PLXDC2: variants seen among roughly 807,000 people sequenced by gnomAD.
PLXDC2 encodes plexin domain containing 2.
A neutral mutation model predicts 68.9 loss-of-function variants in PLXDC2; 40 were observed. The observed-to-expected ratio is 0.58, with a 90% CI of 0.45 to 0.76. The LOEUF (loss-of-function observed/expected upper bound fraction) is 0.76, where lower values mean the gene tolerates loss of function less well. PLXDC2 is among the 30% of genes least tolerant of loss of function. The pLI, the probability that PLXDC2 is intolerant of heterozygous loss-of-function variation, is 0.00. For synonymous variants in PLXDC2, 243 were observed against 234.2 expected (o/e 1.04, Z -0.34); for missense variants, 644 against 661.9 (o/e 0.97, Z 0.30).
At position 20,001,949 on chromosome 10, in the gene PLXDC2, T is replaced by C; in HGVS notation, c.287T>C (p.Leu96Pro). The change falls in exon 2 of 14, where the codon CTG becomes CCG. Residue 96 changes from leucine to proline, a missense_variant. Leu to Pro is a moderately conservative substitution (Grantham distance 98). Around this residue, in one of 3 missense-constraint regions of PLXDC2, gnomAD observed 201 missense variants for 166.9 expected, o/e 1.20. Coordinates refer to ENST00000377252, the MANE Select transcript of PLXDC2 (RefSeq NM_032812.9). Reference sequence around the variant, plus strand: ...GAGCCCAGAAGCTTCACAGACCTGCTGCTGGATGATGGGCAGGACAATAAC... The same window carrying C: ...GAGCCCAGAAGCTTCACAGACCTGCCGCTGGATGATGGGCAGGACAATAAC... Reference protein sequence around the residue: ...SPEPRSFTDLLLDDGQDNNTQ... With the variant: ...SPEPRSFTDLPLDDGQDNNTQ... 6.2e-7 allele frequency: 1 copy of C among 1,612,872 alleles called. No individual in the cohort carries two copies.
intron 1 of PLXDC2, among the ~76,000 whole-genome samples, chr10:19,823,508 C>T (rs1836516780): frequency 1.3e-5 from 2 of 151,168 alleles, no homozygotes; most frequent in Admixed American, 1.3e-4. Flanking sequence ...ATGGTGAAAC[C>T]CCGTCTTCCC....
At chr10:19,825,375 G>A (rs1008609372) in intron 1 of PLXDC2, among the ~76,000 whole-genome samples, 3 of 152,134 alleles carry the variant, frequency 2.0e-5, no homozygotes, top group Non-Finnish European at 4.4e-5. Flanking sequence ...AATTCTCTAT[G>A]TATTCCTTGG....
At chr10:19,864,105 T>C (rs1424273993) in intron 1 of PLXDC2, among the ~76,000 whole-genome samples, 1 of 152,084 alleles carries the variant, frequency 6.6e-6, no homozygotes, top group Non-Finnish European at 1.5e-5. Context: ...ACCTCAAATG[T>C]TTCTCCCACC....
At chr10:20,020,575 A>G (rs1235879992) in intron 2 of PLXDC2, among the ~76,000 whole-genome samples, 1 of 151,952 alleles carries the variant, frequency 6.6e-6, no homozygotes, top group Non-Finnish European at 1.5e-5. Flanking sequence ...ATATGTATAT[A>G]AGTGTATTCA....
intron 1 of PLXDC2, among the ~76,000 whole-genome samples, chr10:19,897,661 T>C (rs1838083580): frequency 6.6e-6 from 1 of 152,138 alleles, no homozygotes; most frequent in Non-Finnish European, 1.5e-5. Context: ...ATATATAAAA[T>C]ATGGTTTTTT....
chr10:20,046,792 G>A, intron 2 of PLXDC2, 77 bp from the exon 3 acceptor site: 1 of 1,413,448 alleles, frequency 7.1e-7, no homozygotes, highest in Non-Finnish European at 9.5e-7. Context: ...ATACTCTTGA[G>A]TTCAATAGGA....
At chr10:19,956,468 C>T (rs1834071122) in intron 1 of PLXDC2, among the ~76,000 whole-genome samples, 1 of 152,140 alleles carries the variant, frequency 6.6e-6, no homozygotes, top group Non-Finnish European at 1.5e-5. Context: ...GTCTCCCATT[C>T]CGTTTCTATT....
intron 1 of PLXDC2, among the ~76,000 whole-genome samples, chr10:19,981,712 G>A (rs528466113): frequency 6.6e-6 from 1 of 152,182 alleles, no homozygotes; most frequent in Non-Finnish European, 1.5e-5. Context: ...GCGCCTTTTT[G>A]TTAGGTTGCA....
At chr10:19,957,794 A>G (rs1834094895) in intron 1 of PLXDC2, among the ~76,000 whole-genome samples, 1 of 152,142 alleles carries the variant, frequency 6.6e-6, no homozygotes. Context: ...ACTGTCTTCA[A>G]AGAAGTTGTA....
At chr10:19,871,453 C>A (rs1056789048) in intron 1 of PLXDC2, among the ~76,000 whole-genome samples, 1 of 152,092 alleles carries the variant, frequency 6.6e-6, no homozygotes, top group African/African-American at 2.4e-5. Flanking sequence ...TTTTTAAATT[C>A]TTTGAGCTAA....
chr10:19,858,400 C>G (rs1038086239), intron 1 of PLXDC2, among the ~76,000 whole-genome samples: 1 of 152,094 alleles, frequency 6.6e-6, no homozygotes, highest in Non-Finnish European at 1.5e-5. Flanking sequence ...TAGTGTTCAA[C>G]GAATACTTGT....
chr10:19,942,540 A>G (rs1001511149), intron 1 of PLXDC2, among the ~76,000 whole-genome samples: 9 of 152,178 alleles, frequency 5.9e-5, no homozygotes, highest in Non-Finnish European at 1.2e-4. Flanking sequence ...AGGCAAGTGG[A>G]TCACTTGAGG....
intron 13 of PLXDC2, among the ~76,000 whole-genome samples, chr10:20,274,283 T>G (rs2119388996): frequency 6.6e-6 from 1 of 152,318 alleles, no homozygotes; most frequent in African/African-American, 2.4e-5. Flanking sequence ...TGAAAGATAT[T>G]TATTCGGCCA....
chr10:19,977,091 T>C (rs1427449957), intron 1 of PLXDC2, among the ~76,000 whole-genome samples: 1 of 152,202 alleles, frequency 6.6e-6, no homozygotes, highest in Non-Finnish European at 1.5e-5. Flanking sequence ...CAGTTGAGTC[T>C]CACTTGTTTA....
intron 1 of PLXDC2, among the ~76,000 whole-genome samples, chr10:19,927,113 T>G (rs893512463): frequency 1.3e-5 from 2 of 152,206 alleles, no homozygotes; most frequent in African/African-American, 4.8e-5. Context: ...TATTCAGTAG[T>G]CATTCAGTTT....
At chr10:20,151,380 G>T (rs907614316) in intron 6 of PLXDC2, among the ~76,000 whole-genome samples, 2 of 152,068 alleles carry the variant, frequency 1.3e-5, no homozygotes, top group African/African-American at 4.8e-5. Flanking sequence ...TTACAATAGC[G>T]GTGGTACATA....
intron 13 of PLXDC2, among the ~76,000 whole-genome samples, chr10:20,252,522 A>G (rs1247059450): frequency 6.6e-6 from 1 of 152,200 alleles, no homozygotes; most frequent in Non-Finnish European, 1.5e-5. Flanking sequence ...CTTTGCAGAG[A>G]CAAAGAATTA....
At chr10:19,817,881 C>T (rs906604709) in intron 1 of PLXDC2, among the ~76,000 whole-genome samples, 2 of 152,192 alleles carry the variant, frequency 1.3e-5, no homozygotes, top group Non-Finnish European at 2.9e-5. Context: ...TTGGAGTGCC[C>T]TGATTTTGTC....
At chr10:20,279,477 A>G (rs954755518) in intron 13 of PLXDC2, among the ~76,000 whole-genome samples, 3 of 152,126 alleles carry the variant, frequency 2.0e-5, no homozygotes, top group African/African-American at 7.2e-5. Context: ...GGTGTGACAA[A>G]TGGTCTTTCC....
Sources: allele counts gnomAD v4.1 joint callset (sites outside exome capture counted in the v4.1 genomes callset), GRCh38; gene constraint gnomAD v4.1.1; regional missense constraint gnomAD v4.1.1; transcripts MANE v1.5; gene names NCBI Gene and HGNC (gene_info 2026-07-23, HGNC 2026-07-21).